PARD3: variants seen among roughly 807,000 people sequenced by gnomAD.
PARD3 encodes partitioning defective 3 homolog.
In PARD3, 75 loss-of-function variants were observed where a neutral mutation model predicts 155.4. The observed-to-expected ratio is 0.48, with a 90% CI of 0.40 to 0.58. The LOEUF is 0.58. PARD3 is among the 20% of genes least tolerant of loss of function. PARD3 has a pLI of 0.00. For missense variants in PARD3, 1,642 were observed against 1,721.7 expected, an observed-to-expected ratio of 0.95 and a Z score of 0.82; for synonymous variants, 576 against 610.5, an observed-to-expected ratio of 0.94 and a Z score of 0.83.
intron 2 of PARD3, among the ~76,000 whole-genome samples, chr10:34,688,538 G>A (rs536006234): frequency 2.6e-5 from 4 of 152,132 alleles, no homozygotes; most frequent in African/African-American, 4.8e-5. Flanking sequence ...GAGTAAACAC[G>A]ACATCACTGT....
intron 2 of PARD3, among the ~76,000 whole-genome samples, chr10:34,558,065 T>G (rs539840512): frequency 1.3e-5 from 2 of 152,252 alleles, no homozygotes; most frequent in South Asian, 4.1e-4. Context: ...TGTTGCTGGC[T>G]GTATGTGCTA....
chr10:34,602,032 T>C (rs2089826586), intron 2 of PARD3, among the ~76,000 whole-genome samples: 1 of 152,130 alleles, frequency 6.6e-6, no homozygotes, highest in African/African-American at 2.4e-5. Flanking sequence ...TTTTTCAAGA[T>C]TAAAATTATA....
chr10:34,221,911 C>A (rs1952317223), intron 22 of PARD3, among the ~76,000 whole-genome samples: 1 of 152,168 alleles, frequency 6.6e-6, no homozygotes. Context: ...TTCAGTGATT[C>A]TACATACCAG....
intron 4 of PARD3, among the ~76,000 whole-genome samples, chr10:34,469,215 A>C (rs1183979599): frequency 6.6e-6 from 1 of 152,198 alleles, no homozygotes; most frequent in African/African-American, 2.4e-5. Context: ...GGTTCAAGCG[A>C]TTATTGTGCC....
chr10:34,546,038 C>T (rs1049382904), intron 2 of PARD3, among the ~76,000 whole-genome samples: 1 of 152,032 alleles, frequency 6.6e-6, no homozygotes, highest in Non-Finnish European at 1.5e-5. Context: ...ATAAGCATGT[C>T]TTTAACGTAA....
chr10:34,171,261 T>C (rs1264279072), intron 22 of PARD3, among the ~76,000 whole-genome samples: 2 of 152,228 alleles, frequency 1.3e-5, no homozygotes, highest in Admixed American at 6.5e-5. Flanking sequence ...ATGCATCAGC[T>C]CAAACTGAAA....
chr10:34,801,457 T>C (rs981987673), intron 1 of PARD3, among the ~76,000 whole-genome samples: 1 of 152,176 alleles, frequency 6.6e-6, no homozygotes, highest in African/African-American at 2.4e-5. Context: ...AAAAGACGGA[T>C]GAGAGGAGGT....
intron 3 of PARD3, among the ~76,000 whole-genome samples, chr10:34,505,697 T>A (rs2081015716): frequency 6.6e-6 from 1 of 152,216 alleles, no homozygotes; most frequent in Non-Finnish European, 1.5e-5. Flanking sequence ...AATACTTCCC[T>A]GGCCAATGGA....
chr10:34,708,459 C>A (rs752621539), intron 1 of PARD3, among the ~76,000 whole-genome samples: 2 of 152,030 alleles, frequency 1.3e-5, no homozygotes, highest in East Asian at 1.9e-4. Flanking sequence ...AGTTATACAA[C>A]GAACAGTCAT....
At chr10:34,229,671 TG>T (rs1952815648) in intron 22 of PARD3, among the ~76,000 whole-genome samples, 2 of 147,266 alleles carry the variant, frequency 1.4e-5, no homozygotes, top group Non-Finnish European at 3.1e-5. Flanking sequence ...CGTGTGTGTG[TG>T]TGTGTGTGTG....
intron 1 of PARD3, among the ~76,000 whole-genome samples, chr10:34,808,146 T>TATA (rs1410518292): frequency 2.0e-5 from 3 of 151,520 alleles, no homozygotes; most frequent in Admixed American, 2.0e-4. Context: ...AGATGCCGTC[T>TATA]CTACAAAAAC....
chr10:34,427,082 T>C (rs1282099598), intron 5 of PARD3, among the ~76,000 whole-genome samples: 1 of 152,234 alleles, frequency 6.6e-6, no homozygotes, highest in Admixed American at 6.5e-5. Flanking sequence ...GACCCTGTGA[T>C]GATTGCGTTA....
At chr10:34,677,713 ACT>A (rs2093734562) in intron 2 of PARD3, among the ~76,000 whole-genome samples, 1 of 151,940 alleles carries the variant, frequency 6.6e-6, no homozygotes, top group African/African-American at 2.4e-5. Flanking sequence ...GCAAGGCACC[ACT>A]CTTCTCCGGG....
At chr10:34,768,553 G>T (rs1329681844) in intron 1 of PARD3, among the ~76,000 whole-genome samples, 1 of 152,186 alleles carries the variant, frequency 6.6e-6, no homozygotes, top group Non-Finnish European at 1.5e-5. Flanking sequence ...TGAGCAGAGG[G>T]GTGACTTTGA....
chr10:34,527,797 A>G (rs1300984991), intron 2 of PARD3, among the ~76,000 whole-genome samples: 1 of 152,244 alleles, frequency 6.6e-6, no homozygotes, highest in Non-Finnish European at 1.5e-5. Context: ...GCAAGAAGGA[A>G]GGGTGTGATT....
At chr10:34,721,856 C>CT (rs1164119254) in intron 1 of PARD3, among the ~76,000 whole-genome samples, 3 of 152,148 alleles carry the variant, frequency 2.0e-5, no homozygotes, top group African/African-American at 4.8e-5. Flanking sequence ...CATACAAACT[C>CT]TAACACTAGA....
chr10:34,272,634 G>C (rs1183449569), intron 21 of PARD3, among the ~76,000 whole-genome samples: 1 of 152,182 alleles, frequency 6.6e-6, no homozygotes, highest in African/African-American at 2.4e-5. Context: ...GCTGAGGTGA[G>C]AGGATTGCCT....
At chr10:34,332,659 C>T (rs568319056) in intron 18 of PARD3, among the ~76,000 whole-genome samples, 2 of 152,168 alleles carry the variant, frequency 1.3e-5, no homozygotes, top group East Asian at 3.9e-4. Context: ...AAATGTAGTA[C>T]AAACAGGAAG....
At chr10:34,629,570 G>A (rs1224588002) in intron 2 of PARD3, among the ~76,000 whole-genome samples, 1 of 152,182 alleles carries the variant, frequency 6.6e-6, no homozygotes, top group Non-Finnish European at 1.5e-5. Flanking sequence ...TCTGCTAGAC[G>A]AAAACCTACA....
Sources: allele counts gnomAD v4.1 joint callset (sites outside exome capture counted in the v4.1 genomes callset), GRCh38; gene constraint gnomAD v4.1.1; transcripts MANE v1.5; gene names NCBI Gene and HGNC (gene_info 2026-07-23, HGNC 2026-07-21).